KCNQ1: variants seen among roughly 807,000 people sequenced by gnomAD.
KCNQ1 encodes potassium voltage-gated channel subfamily KQT member 1.
A neutral mutation model predicts 72.4 loss-of-function variants in KCNQ1; 49 were observed. That is an observed-to-expected ratio of 0.68 (90% CI 0.54 to 0.86). The LOEUF (loss-of-function observed/expected upper bound fraction) is 0.86, where lower values mean the gene tolerates loss of function less well. Ranked by LOEUF, KCNQ1 falls within the 40% of genes least tolerant of loss-of-function variation. KCNQ1 has a pLI of 0.00. For synonymous variants in KCNQ1, 450 were observed against 412.6 expected, an observed-to-expected ratio of 1.09 and a Z score of -1.10; for missense variants, 790 against 945.1, an observed-to-expected ratio of 0.84 and a Z score of 2.15.
chr11:2,674,350 G>C lies in KCNQ1; in HGVS notation c.1514+12269G>C. The C allele has an allele frequency of 2.5e-6, 1 of 398,278 alleles. No homozygotes were observed. 24.7% of individuals were successfully genotyped at this position (398,278 alleles called of 1,614,324 possible). A position where few individuals can be genotyped will look rare whatever the true frequency, so the allele number is the denominator to read the frequency against. Reference sequence around the variant, plus strand: ...CCCTCTGGAAATCTGAATTCCATTCGCTCTTGGCAAAGAGCAGCTTCCTGC... The same window carrying C: ...CCCTCTGGAAATCTGAATTCCATTCCCTCTTGGCAAAGAGCAGCTTCCTGC... On this transcript the variant is annotated intron_variant, in intron 11 of 15. Coordinates refer to ENST00000155840, the MANE Select transcript of KCNQ1 (RefSeq NM_000218.3). The surrounding 1 kb of genome is among the most constrained non-coding windows in gnomAD (Gnocchi z 5.9).
Position 2,463,430 on chromosome 11 carries a change from G to A in KCNQ1, c.386+17946G>A, listed in dbSNP as rs539442225. On this transcript the variant is annotated intron_variant, in intron 1 of 15. Transcript: ENST00000155840. This position sits in a 1 kb window ranked among gnomAD's most constrained non-coding sequence, Gnocchi z 7.0. ...GCGCAGCACCCACAGGACAAGTGGT[G>A]GAATGTTCTGGTTGTCCTTGGTGCA... 6.6e-6 allele frequency among the ~76,000 whole-genome samples: 1 copy of A among 152,322 alleles called. No homozygotes were observed. The highest frequency in any genetic ancestry group is 1.9e-4 in the East Asian group (1 of 5,182).
In KCNQ1 at chr11:2,547,936, G is replaced by C. The variant is rs1237732053; in HGVS notation, c.477+19918G>C. 6.6e-6 allele frequency among the ~76,000 whole-genome samples: 1 copy of C among 152,248 alleles called. No individual in the cohort carries two copies. Among genetic ancestry groups the C allele is most frequent in the East Asian group, 1.9e-4 (1 of 5,202 alleles). ...CGTGTGCCTGGCGCGGGTGGAGGGA[G>C]CTGTGAGGAGCCTGTAGCATTCAGA... is the stretch of plus-strand genomic sequence containing the variant. On this transcript the variant is annotated intron_variant, in intron 2 of 15. Coordinates refer to ENST00000155840, the MANE Select transcript of KCNQ1 (RefSeq NM_000218.3). This position sits in a 1 kb window ranked among gnomAD's most constrained non-coding sequence, Gnocchi z 4.2.
chr11:2,685,826 G>C, intron 11 of KCNQ1: 1 of 398,706 alleles, frequency 2.5e-6, no homozygotes, highest in African/African-American at 2.1e-5. Flanking sequence ...CTACTAGAAC[G>C]AGGCTGTTTC....
At chr11:2,578,803 G>T (rs1026358255) in intron 6 of KCNQ1, among the ~76,000 whole-genome samples, 7 of 152,268 alleles carry the variant, frequency 4.6e-5, no homozygotes, top group Non-Finnish European at 8.8e-5. Context: ...TGCAATGGCT[G>T]AAGCAGCCTC....
intron 2 of KCNQ1, among the ~76,000 whole-genome samples, chr11:2,548,580 C>T (rs1251524890): frequency 3.3e-5 from 5 of 152,244 alleles, no homozygotes; most frequent in Non-Finnish European, 5.9e-5. Flanking sequence ...CCGCTACATT[C>T]TGCTAAGACA....
In KCNQ1 at chr11:2,815,934, G is replaced by T. The variant is rs1051687439; in HGVS notation, c.1795-31833G>T. ...CGCTGAGTCGCCGCACACCTGTCAG[G>T]GTGGAGGGGACTTGGGGGACCAGCC... On this transcript the variant is annotated intron_variant, in intron 15 of 15. Transcript: ENST00000155840. The surrounding 1 kb of genome is among the most constrained non-coding windows in gnomAD (Gnocchi z 5.4). Among the ~76,000 whole-genome samples, 10 of 152,218 alleles carry T rather than the reference G, an allele frequency of 6.6e-5. No homozygotes were observed. The highest frequency in any genetic ancestry group is 1.7e-4 in the African/African-American group (7 of 41,458).
At chr11:2,454,689 G>C (rs1846161317) in intron 1 of KCNQ1, among the ~76,000 whole-genome samples, 1 of 152,142 alleles carries the variant, frequency 6.6e-6, no homozygotes, top group Non-Finnish European at 1.5e-5. Flanking sequence ...CATCTCAATA[G>C]ATGTAGAAAA....
At chr11:2,470,211 G>T (rs1227124758) in intron 1 of KCNQ1, among the ~76,000 whole-genome samples, 1 of 152,184 alleles carries the variant, frequency 6.6e-6, no homozygotes, top group Non-Finnish European at 1.5e-5. Context: ...TCAAATCATC[G>T]AGGTTTATTG....
rs1372574479 is a variant in KCNQ1 at position 2,547,305 on chromosome 11, C to T, written c.477+19287C>T. On this transcript the variant is annotated intron_variant, in intron 2 of 15. Coordinates refer to ENST00000155840, the MANE Select transcript of KCNQ1 (RefSeq NM_000218.3). This position sits in a 1 kb window ranked among gnomAD's most constrained non-coding sequence, Gnocchi z 4.2. ...AGTGCAGTGGCATGATCTCAGCTCA[C>T]TGAAACCCCCATCTCCCAGGGTTTA... Among the ~76,000 whole-genome samples the T allele has an allele frequency of 6.6e-6, 1 of 152,218 alleles. No individual in the cohort carries two copies. Among genetic ancestry groups the T allele is most frequent in the Non-Finnish European group, 1.5e-5 (1 of 68,036 alleles).
rs117378420 is a variant in KCNQ1, at chr11:2,802,259, G to A, written c.1794+24222G>A. On this transcript the variant is annotated intron_variant, in intron 15 of 15. Coordinates refer to ENST00000155840, the MANE Select transcript of KCNQ1 (RefSeq NM_000218.3). ...TGTCGCCTCTGTCCTCACAGTGACA[G>A]AGCTGGCTTTGAGGGCAGCAGGACA... 9.2e-5 allele frequency among the ~76,000 whole-genome samples: 14 copies of A among 152,342 alleles called. No homozygotes were observed. The East Asian group carries it at 2.1e-3, about 23-fold the overall frequency.
chr11:2,719,331 CA>C (rs34225799), intron 11 of KCNQ1, among the ~76,000 whole-genome samples: 57 of 125,982 alleles, frequency 4.5e-4, no homozygotes, highest in Admixed American at 1.1e-3. Flanking sequence ...CTGTCTCTAC[CA>C]AAAAAAAAAA....
At position 2,507,425 on chromosome 11, in the gene KCNQ1, G is replaced by C. The variant is rs1040793315; in HGVS notation, c.387-20503G>C. Among the ~76,000 whole-genome samples the C allele has an allele frequency of 6.6e-6, 1 of 152,088 alleles. No homozygotes were observed. Among genetic ancestry groups the C allele is most frequent in the Admixed American group, 6.6e-5 (1 of 15,258 alleles). On this transcript the variant is annotated intron_variant, in intron 1 of 15. Transcript: ENST00000155840. This position sits in a 1 kb window ranked among gnomAD's most constrained non-coding sequence, Gnocchi z 5.4. ...TGGGACGGCGTGGTTTGCTCTAGAG[G>C]GTTTGAAGGAAGGGTGAGAAGTCAG...
chr11:2,722,713 G>C (rs573635947), intron 11 of KCNQ1, among the ~76,000 whole-genome samples: 1 of 152,020 alleles, frequency 6.6e-6, no homozygotes, highest in African/African-American at 2.4e-5. Flanking sequence ...TTAGTAAATA[G>C]GCTATGGCAG....
chr11:2,633,442 C>G (rs551684678), intron 10 of KCNQ1: 1 of 398,516 alleles, frequency 2.5e-6, no homozygotes, highest in Admixed American at 4.4e-5. Flanking sequence ...ATAAAATCTT[C>G]GCTAGACCCA....
rs969793281 is a variant in KCNQ1, at chr11:2,813,489, G to A, written c.1795-34278G>A. On this transcript the variant is annotated intron_variant, in intron 15 of 15. Transcript: ENST00000155840. The surrounding 1 kb of genome is among the most constrained non-coding windows in gnomAD (Gnocchi z 4.4). ...GACTCTCCCCCTTCCTCAACCCTGC[G>A]CCTGGTCACCAAGTCCTGACAACAC... is the stretch of plus-strand genomic sequence containing the variant. 4.0e-5 allele frequency among the ~76,000 whole-genome samples: 6 copies of A among 151,594 alleles called. No homozygotes were observed. The highest frequency in any genetic ancestry group is 9.7e-5 in the African/African-American group (4 of 41,238).
At chr11:2,648,567 T>C (rs185076931) in intron 10 of KCNQ1, 3 of 398,524 alleles carry the variant, frequency 7.5e-6, no homozygotes, top group African/African-American at 6.2e-5. Flanking sequence ...GATTTCCGTG[T>C]ATCTGTTCAA....
At position 2,526,808 on chromosome 11, in the gene KCNQ1, A is replaced by G. The variant is rs1847516842; in HGVS notation, c.387-1120A>G. Among the ~76,000 whole-genome samples, 1 of 152,086 alleles carries G rather than the reference A, an allele frequency of 6.6e-6. No individual in the cohort carries two copies. The highest frequency in any genetic ancestry group is 6.5e-5 in the Admixed American group (1 of 15,286). ...TCCTGGGGTGGGTTAGAAGCCACTC[A>G]GGATGGCAGGATCTCAGGGAGCGGA... On this transcript the variant is annotated intron_variant, in intron 1 of 15. Coordinates refer to ENST00000155840, the MANE Select transcript of KCNQ1 (RefSeq NM_000218.3). This position sits in a 1 kb window ranked among gnomAD's most constrained non-coding sequence, Gnocchi z 6.1.
At chr11:2,572,426 G>T (rs1477009727) in intron 5 of KCNQ1, among the ~76,000 whole-genome samples, 3 of 152,212 alleles carry the variant, frequency 2.0e-5, no homozygotes, top group African/African-American at 7.2e-5. Context: ...ACCCGGTCAA[G>T]GCAGGGCCAC....
intron 10 of KCNQ1, chr11:2,635,431 A>T (rs1340725312): frequency 1.3e-5 from 2 of 152,172 alleles, no homozygotes; most frequent in African/African-American, 2.4e-5. Flanking sequence ...CCATTTATTA[A>T]ATAGGGAATC....
Sources: allele counts gnomAD v4.1 joint callset (sites outside exome capture counted in the v4.1 genomes callset), GRCh38; gene constraint gnomAD v4.1.1; non-coding constraint Gnocchi (gnomAD v3.1); transcripts MANE v1.5; gene names NCBI Gene and HGNC (gene_info 2026-07-23, HGNC 2026-07-21).